Variants in SEC31A observed in about 807,000 individuals in gnomAD.
SEC31A encodes protein transport protein Sec31A.
A neutral mutation model predicts 151.0 loss-of-function variants in SEC31A; 70 were observed. The observed-to-expected ratio is 0.46, with a 90% CI of 0.38 to 0.57. SEC31A has a LOEUF of 0.57. Ranked by LOEUF, SEC31A falls within the 20% of genes least tolerant of loss-of-function variation. The probability of loss-of-function intolerance (pLI) is 0.00; values close to 1 mark genes in which losing one functional copy is unlikely to be tolerated. For synonymous variants in SEC31A, 475 were observed against 505.9 expected (o/e 0.94, Z 0.82); for missense variants, 1,330 against 1,471.2 (o/e 0.90, Z 1.57).
chr4:82,828,220 A>G (rs536092912), intron 23 of SEC31A, among the ~76,000 whole-genome samples: 1 of 152,270 alleles, frequency 6.6e-6, no homozygotes, highest in South Asian at 2.1e-4. Flanking sequence ...AGAGGGTATC[A>G]GGTCTGGAGA....
In SEC31A at chr4:82,888,364, AAAAAAAAAACACACAAAAAACATAT is replaced by A. The variant is rs1406916053; in HGVS notation, c.-5+2699_-5+2723del. Among the ~76,000 whole-genome samples the A allele has an allele frequency of 3.7e-4, 37 of 99,404 alleles. 3 individuals carry two copies. The Admixed American group carries it at 4.6e-3, about 12-fold the overall frequency. The allele number at this position is 99,404 out of a possible 152,430, so 65.2% of individuals were successfully genotyped here. The stretch of plus-strand genomic sequence containing the variant: ...AGACTCCGTCTCAAAAAAAAAAAAA[AAAAAAAAAACACACAAAAAACATAT>A]ATATATATACACACAGACACGGCCA... On this transcript the variant is annotated intron_variant, in intron 1 of 26. Transcript: ENST00000395310.
intron 25 of SEC31A, chr4:82,821,425 G>A (rs1055307884): frequency 4.8e-5 from 11 of 227,716 alleles, no homozygotes; most frequent in Non-Finnish European, 8.6e-6. Context: ...GCAGGCGCCT[G>A]TAATCCCAGC....
rs1233188314 is a variant in SEC31A at position 82,855,010 on chromosome 4, A to C, written c.1901T>G (p.Met634Arg). The change falls in exon 17 of 27, where the codon ATG (methionine) becomes AGG (arginine). Residue 634 changes from methionine to arginine, a missense_variant. By Grantham distance (91) the Met-to-Arg change is moderately conservative. Transcript: ENST00000395310. Reference sequence around the variant, plus strand: ...CTCAACAATCTCTTTCCAGTTCTTCATCACCACTGCAGTGATGAGCTTGAG... The same window carrying C: ...CTCAACAATCTCTTTCCAGTTCTTCCTCACCACTGCAGTGATGAGCTTGAG... ...KITRLITAVV[M>R]KNWKEIVESC... The C allele has an allele frequency of 1.2e-6, 2 of 1,613,080 alleles. No homozygotes were observed. Among genetic ancestry groups the C allele is most frequent in the Non-Finnish European group, 1.7e-6 (2 of 1,179,682 alleles).
intron 14 of SEC31A, chr4:82,858,134 C>T (rs779525301): frequency 3.5e-5 from 6 of 172,652 alleles, no homozygotes; most frequent in Non-Finnish European, 6.1e-5. Context: ...CAAAACTAGC[C>T]GGGCATGGTG....
At chr4:82,880,633 T>A (rs1256848864) in intron 3 of SEC31A, 166 bp downstream of exon 3, 1 of 538,760 alleles carries the variant, frequency 1.9e-6, no homozygotes, top group Non-Finnish European at 3.1e-6. Context: ...ACATAAACAC[T>A]ACTTTTACTT....
At chr4:82,874,486 CTGAT>C (rs1737484006) in intron 6 of SEC31A, 121 bp downstream of exon 6, 1 of 909,394 alleles carries the variant, frequency 1.1e-6, no homozygotes, top group South Asian at 2.0e-5. Context: ...TCTAACATGA[CTGAT>C]TAATAAAAAA....
chr4:82,841,983 CCAAA>C (rs1729011868), intron 22 of SEC31A, among the ~76,000 whole-genome samples, 153 bp downstream of exon 22: 1 of 150,858 alleles, frequency 6.6e-6, no homozygotes, highest in Non-Finnish European at 1.5e-5. Context: ...AAAAAAAAAA[CCAAA>C]CAAACAAAAA....
intron 8 of SEC31A, among the ~76,000 whole-genome samples, chr4:82,868,026 T>G (rs1735788426): frequency 6.6e-6 from 1 of 152,244 alleles, no homozygotes; most frequent in Non-Finnish European, 1.5e-5. Flanking sequence ...TTTAGGTTAC[T>G]TGAGGATCAA....
intron 25 of SEC31A, among the ~76,000 whole-genome samples, chr4:82,823,906 G>A (rs1356369573): frequency 2.0e-5 from 3 of 152,200 alleles, no homozygotes; most frequent in Non-Finnish European, 4.4e-5. Flanking sequence ...TGGTGGTTGA[G>A]AGCATGAATT....
At chr4:82,900,541 C>G, upstream of SEC31A, 2 of 526,212 alleles carry the variant, frequency 3.8e-6, no homozygotes, top group Non-Finnish European at 6.7e-6. Flanking sequence ...TATTCCGCCT[C>G]CAACGCGGAG....
At position 82,853,584 on chromosome 4, in the gene SEC31A, G is replaced by C. The variant is rs1731908813; in HGVS notation, c.2140C>G (p.Pro714Ala). 6.3e-7 allele frequency: 1 copy of C among 1,579,936 alleles called. No homozygotes were observed. Among genetic ancestry groups the C allele is most frequent in the Admixed American group, 2.0e-5 (1 of 49,452 alleles). Residue 714 changes from proline to alanine, a missense_variant, in exon 18 of 27, where the codon CCT becomes GCT. Pro to Ala is a conservative substitution (Grantham distance 27). Transcript: ENST00000395310. Reference protein sequence around the residue: ...CWTKAQDGSHPLSLQDLIEKV... With the variant: ...CWTKAQDGSHALSLQDLIEKV... ...AAAGATACTACCTGAAGTGACAAAG[G>C]GTGGCTTCCATCTTGAGCTTTAGTC...
chr4:82,897,091 A>T (rs1347681135), intron 3 of SEC31A, among the ~76,000 whole-genome samples: 1 of 152,174 alleles, frequency 6.6e-6, no homozygotes, highest in Non-Finnish European at 1.5e-5. Flanking sequence ...ACTGCTCAAA[A>T]GTTCTATTAG....
At chr4:82,849,831 A>C (rs190883239) in intron 19 of SEC31A, among the ~76,000 whole-genome samples, 1 of 152,190 alleles carries the variant, frequency 6.6e-6, no homozygotes, top group African/African-American at 2.4e-5. Flanking sequence ...ATATGCTCTA[A>C]GTATTAACAA....
At chr4:82,837,424 A>T (rs953117092) in intron 22 of SEC31A, among the ~76,000 whole-genome samples, 1 of 151,854 alleles carries the variant, frequency 6.6e-6, no homozygotes, top group Non-Finnish European at 1.5e-5. Flanking sequence ...TTGTTTTGAG[A>T]CAGGGTCTCA....
chr4:82,893,104 G>A (rs191706567), upstream of SEC31A: 10 of 152,318 alleles, frequency 6.6e-5, no homozygotes, highest in East Asian at 1.7e-3. Flanking sequence ...TTTTTGCTGT[G>A]TTGCCCAGGC....
chr4:82,874,510 G>T, intron 6 of SEC31A, 101 bp downstream of exon 6: 2 of 1,184,422 alleles, frequency 1.7e-6, no homozygotes, highest in Non-Finnish European at 2.3e-6. Context: ...AACAGGATTT[G>T]ACTTCACAGA....
rs780328056 is a variant in SEC31A at position 82,842,206 on chromosome 4, C to A, written c.2902G>T (p.Ala968Ser). 2 of 1,609,414 alleles carry A rather than the reference C, an allele frequency of 1.2e-6. No homozygotes were observed. Among genetic ancestry groups the A allele is most frequent in the Non-Finnish European group, 1.7e-6 (2 of 1,177,304 alleles). Residue 968 changes from alanine to serine, a missense_variant, in exon 22 of 27, where the codon GCA becomes TCA. Coordinates refer to ENST00000395310, the MANE Select transcript of SEC31A (RefSeq NM_001077207.4). Reference protein sequence around the residue: ...PGAPPSSSAYALPPGTTGTLP... With the variant: ...PGAPPSSSAYSLPPGTTGTLP... ...GTACCTGTTGTTCCAGGAGGCAGTG[C>A]ATAAGCTGAAGATGATGGTGGAGCT...
At chr4:82,870,199 G>A (rs371188298) in intron 8 of SEC31A, 126 bp downstream of exon 8, 42 of 637,690 alleles carry the variant, frequency 6.6e-5, no homozygotes, top group Admixed American at 4.2e-4. Context: ...AATAAACACT[G>A]CACACACACG....
chr4:82,859,790 TA>T (rs1214065937), intron 14 of SEC31A, among the ~76,000 whole-genome samples: 19 of 42,678 alleles, frequency 4.5e-4, no homozygotes, highest in Admixed American at 1.2e-3. Flanking sequence ...TGCATAAAAA[TA>T]TTTTTTTTTT....
Sources: gnomAD v4.1 joint callset for allele counts (sites outside exome capture counted in the v4.1 genomes callset) on GRCh38, gnomAD v4.1.1 for gene constraint, MANE v1.5 for transcripts, NCBI Gene and HGNC (gene_info 2026-07-23, HGNC 2026-07-21) for gene names.